The following CNTN5 variants were observed in gnomAD, a reference collection of about 807,000 sequenced individuals.
CNTN5 encodes contactin 5.
In CNTN5, 77 loss-of-function variants were observed where a neutral mutation model predicts 129.1. The ratio of observed to expected loss-of-function variants is 0.60; its 90% CI spans 0.50 to 0.72. The LOEUF is 0.72. Ranked by LOEUF, CNTN5 falls within the 30% of genes least tolerant of loss-of-function variation. CNTN5 has a pLI of 0.00. For missense variants in CNTN5, 1,478 were observed against 1,328.8 expected (o/e 1.11, Z -1.75); for synonymous variants, 509 against 465.6 (o/e 1.09, Z -1.20).
intron 3 of CNTN5, among the ~76,000 whole-genome samples, chr11:99,557,242 A>C (rs187702869): frequency 6.6e-6 from 1 of 151,452 alleles, no homozygotes. Flanking sequence ...ATATTGATAT[A>C]AATACATACA....
At chr11:99,328,514 TTG>T (rs1198750041) in intron 2 of CNTN5, among the ~76,000 whole-genome samples, 2 of 152,148 alleles carry the variant, frequency 1.3e-5, no homozygotes, top group Admixed American at 1.3e-4. Flanking sequence ...ATATAGTTTT[TTG>T]TGTTTTAGAA....
intron 2 of CNTN5, among the ~76,000 whole-genome samples, chr11:99,414,313 T>G (rs1306273042): frequency 6.6e-6 from 1 of 152,184 alleles, no homozygotes; most frequent in African/African-American, 2.4e-5. Context: ...GTGTTGGTGA[T>G]GCTCTTTCTC....
In CNTN5 at chr11:99,819,611, A is replaced by C. The variant is rs747707558; in HGVS notation, c.123A>C (p.Ser41=). The C allele has an allele frequency of 1.2e-6, 2 of 1,612,894 alleles. No homozygotes were observed. The highest frequency in any genetic ancestry group is 2.7e-5 in the African/African-American group (2 of 74,964). ...YAALLRIKKS[S]SSSLFGSKTR... ...CTTTGTTAAGAATTAAGAAGAGTTC[A>C]TCTTCATCTCTCTTTGGTTCCAAAA... is the stretch of plus-strand genomic sequence containing the variant. The change falls in exon 4 of 25, where the codon TCA becomes TCC. Residue 41 remains serine, a synonymous_variant. Coordinates refer to ENST00000524871, the MANE Select transcript of CNTN5 (RefSeq NM_014361.4).
At chr11:99,528,286 G>A (rs190521765) in intron 2 of CNTN5, among the ~76,000 whole-genome samples, 74 of 152,168 alleles carry the variant, frequency 4.9e-4, no homozygotes, top group African/African-American at 1.6e-3. Flanking sequence ...AATACACAAT[G>A]GTAACATATT....
At chr11:99,841,002 T>G (rs1947470761) in intron 4 of CNTN5, among the ~76,000 whole-genome samples, 1 of 152,142 alleles carries the variant, frequency 6.6e-6, no homozygotes, top group East Asian at 1.9e-4. Flanking sequence ...AAGCTGTACG[T>G]AGACATGTTT....
Position 100,037,093 on chromosome 11 carries a change from T to C in CNTN5, c.981-24119T>C, listed in dbSNP as rs991782349. 3.9e-5 allele frequency among the ~76,000 whole-genome samples: 6 copies of C among 152,126 alleles called. No homozygotes were observed. The East Asian group carries it at 7.7e-4, about 20-fold the overall frequency. ...CAGTTTTTGCCCATTCACTATGATATTGGCTGTGGGTTTGTCATGGATAGC... is the reference window on the plus strand; with the variant it reads ...CAGTTTTTGCCCATTCACTATGATACTGGCTGTGGGTTTGTCATGGATAGC... On this transcript the variant is annotated intron_variant, in intron 9 of 24. Coordinates refer to ENST00000524871, the MANE Select transcript of CNTN5 (RefSeq NM_014361.4).
At chr11:99,400,789 A>G (rs992090806) in intron 2 of CNTN5, among the ~76,000 whole-genome samples, 2 of 152,100 alleles carry the variant, frequency 1.3e-5, no homozygotes, top group Non-Finnish European at 2.9e-5. Flanking sequence ...GGGTGAGATG[A>G]TATCTGATTG....
At chr11:99,985,198 C>T (rs1481363348) in intron 8 of CNTN5, among the ~76,000 whole-genome samples, 3 of 152,090 alleles carry the variant, frequency 2.0e-5, no homozygotes, top group Non-Finnish European at 2.9e-5. Flanking sequence ...TCCCTGTACT[C>T]GGTGGTTCCT....
chr11:100,044,921 A>G (rs1001432516), intron 9 of CNTN5, among the ~76,000 whole-genome samples: 7 of 152,094 alleles, frequency 4.6e-5, no homozygotes, highest in East Asian at 1.9e-4. Context: ...CACCCTGACA[A>G]TTGACTACAT....
intron 6 of CNTN5, among the ~76,000 whole-genome samples, chr11:99,856,048 A>C (rs767266906): frequency 6.6e-6 from 1 of 152,220 alleles, no homozygotes; most frequent in Non-Finnish European, 1.5e-5. Context: ...AGAGAGAAGT[A>C]AGAGGATAAC....
chr11:99,964,898 TG>T (rs1420424330), intron 8 of CNTN5, among the ~76,000 whole-genome samples: 1 of 152,208 alleles, frequency 6.6e-6, no homozygotes, highest in Non-Finnish European at 1.5e-5. Context: ...GGAGGGTGTA[TG>T]TGTTGAGGAA....
chr11:99,710,976 A>C (rs377104190), intron 3 of CNTN5, among the ~76,000 whole-genome samples: 5 of 151,924 alleles, frequency 3.3e-5, no homozygotes. Flanking sequence ...GCAAAGGAAA[A>C]TTTTTTAGTA....
At chr11:100,342,152 G>GACACACACACAC (rs3220443) in intron 23 of CNTN5, among the ~76,000 whole-genome samples, 6,379 of 146,944 alleles carry the variant, frequency 0.043, 244 homozygotes, top group East Asian at 0.19. Context: ...ATAGATCACA[G>GACACACACACAC]ACACACACAC....
intron 3 of CNTN5, among the ~76,000 whole-genome samples, chr11:99,657,553 A>C (rs927330990): frequency 6.6e-6 from 1 of 152,108 alleles, no homozygotes; most frequent in Non-Finnish European, 1.5e-5. Context: ...ATGACAATTT[A>C]TTTAAAAAAA....
chr11:99,446,841 T>A (rs1212191410), intron 2 of CNTN5, among the ~76,000 whole-genome samples: 1 of 152,210 alleles, frequency 6.6e-6, no homozygotes, highest in Non-Finnish European at 1.5e-5. Context: ...ATGGACTTCA[T>A]TCCCAACCTC....
chr11:99,486,082 C>T (rs767662936), intron 2 of CNTN5, among the ~76,000 whole-genome samples: 2 of 151,972 alleles, frequency 1.3e-5, no homozygotes, highest in Non-Finnish European at 2.9e-5. Flanking sequence ...CTGTATAATA[C>T]GTTGAGGAAG....
At chr11:100,323,470 ACT>A (rs1951732069) in intron 21 of CNTN5, among the ~76,000 whole-genome samples, 1 of 151,842 alleles carries the variant, frequency 6.6e-6, no homozygotes, top group Non-Finnish European at 1.5e-5. Flanking sequence ...TCAAGAGTAA[ACT>A]CTCCTCTAGC....
intron 13 of CNTN5, among the ~76,000 whole-genome samples, chr11:100,144,224 ATTTTT>A: frequency 6.6e-6 from 1 of 152,056 alleles, no homozygotes; most frequent in African/African-American, 2.4e-5. Flanking sequence ...TTTTTATTTT[ATTTTT>A]TTATTTTATA....
chr11:99,440,825 G>T (rs573302624), intron 2 of CNTN5, among the ~76,000 whole-genome samples: 3 of 152,094 alleles, frequency 2.0e-5, no homozygotes, highest in African/African-American at 7.2e-5. Flanking sequence ...ATGTAATCCC[G>T]TGATCATCAC....
Sources: gnomAD v4.1 joint callset for allele counts (sites outside exome capture counted in the v4.1 genomes callset) on GRCh38, gnomAD v4.1.1 for gene constraint, MANE v1.5 for transcripts, NCBI Gene and HGNC (gene_info 2026-07-23, HGNC 2026-07-21) for gene names.